PCF11: variants seen among roughly 807,000 people sequenced by gnomAD.
The protein encoded by PCF11 is pre-mRNA cleavage complex 2 protein Pcf11.
PCF11 carries 19 observed loss-of-function variants against 166.1 expected under a neutral mutation model. The observed-to-expected ratio is 0.11, with a 90% CI of 0.08 to 0.17. The LOEUF (loss-of-function observed/expected upper bound fraction) is 0.17, where lower values mean the gene tolerates loss of function less well. PCF11 is among the 10% of genes least tolerant of loss of function. PCF11 has a pLI of 1.00. For missense variants in PCF11, 1,565 were observed against 1,855.5 expected (o/e 0.84, Z 2.88); for synonymous variants, 663 against 644.1 (o/e 1.03, Z -0.44).
chr11:83,166,410 C>A (rs767350219), exon 5 of PCF11: 21 of 1,613,742 alleles, frequency 1.3e-5, no homozygotes, highest in Non-Finnish European at 1.8e-5. Flanking sequence ...GTCACCCAAA[C>A]GAAGGCAAAG....
At chr11:83,182,772 T>G (rs1221256135) in intron 14 of PCF11, among the ~76,000 whole-genome samples, 8 of 152,180 alleles carry the variant, frequency 5.3e-5, no homozygotes, top group African/African-American at 1.9e-4. Context: ...CCCACACTAT[T>G]TTGATTGTGG....
At chr11:83,181,875 A>G (rs1372597208) in exon 13 of PCF11, 2 of 1,610,292 alleles carry the variant, frequency 1.2e-6, no homozygotes, top group South Asian at 1.1e-5. Context: ...ATTTGAGGAG[A>G]TAGCTGATCT....
exon 8 of PCF11, chr11:83,169,049 A>G (rs1254702009): frequency 6.2e-7 from 1 of 1,613,428 alleles, no homozygotes; most frequent in Non-Finnish European, 8.5e-7. Context: ...CTTAGATTTG[A>G]TAATCCCCGA....
chr11:83,186,114 G>A (rs1417791023), exon 16 of PCF11: 4 of 152,104 alleles, frequency 2.6e-5, no homozygotes, highest in Non-Finnish European at 4.4e-5. Flanking sequence ...ATTTGAACGT[G>A]GCTTTGTTTC....
intron 9 of PCF11, 80 bp downstream of exon 9, chr11:83,171,994 A>C: frequency 1.3e-6 from 1 of 750,836 alleles, no homozygotes. Flanking sequence ...GAATTTTAGG[A>C]AATGACAGTT....
At chr11:83,169,287 T>A in exon 8 of PCF11, 1 of 1,611,468 alleles carries the variant, frequency 6.2e-7, no homozygotes, top group Non-Finnish European at 8.5e-7. Context: ...GGTTTGAGGG[T>A]CCACATGGTC....
chr11:83,172,467 G>A (rs1396498037), intron 9 of PCF11, among the ~76,000 whole-genome samples: 3 of 152,072 alleles, frequency 2.0e-5, no homozygotes, highest in Non-Finnish European at 4.4e-5. Context: ...CTCTTACCCA[G>A]TCTGGAGTGC....
intron 15 of PCF11, chr11:83,184,303 TG>T (rs1481550706): frequency 5.7e-6 from 1 of 176,666 alleles, no homozygotes; most frequent in African/African-American, 2.4e-5. Flanking sequence ...TTGAGGGTGA[TG>T]GTTTGTGGGG....
At chr11:83,168,331 A>C (rs1860545992) in intron 7 of PCF11, 97 bp from the exon 8 acceptor site, 1 of 1,160,706 alleles carries the variant, frequency 8.6e-7, no homozygotes, top group African/African-American at 1.6e-5. Flanking sequence ...TGCCCCTCTA[A>C]TGTAGTGAGA....
rs903398419 is a variant in PCF11 at position 83,167,705 on chromosome 11, G to A, written c.2092+200G>A. ...TTGACTACCCTTTGACTGATGCCTT[G>A]TTGTCTGGAATAGAATGTGAGCCAT... On this transcript the variant is annotated intron_variant, in intron 7 of 15. Transcript: ENST00000298281. This position sits in a 1 kb window ranked among gnomAD's most constrained non-coding sequence, Gnocchi z 4.2. 3.3e-6 allele frequency: 5 copies of A among 1,502,200 alleles called. No individual in the cohort carries two copies. The highest frequency in any genetic ancestry group is 4.4e-6 in the Non-Finnish European group (5 of 1,126,240). The allele number at this position is 1,502,200 out of a possible 1,614,324, so 93.1% of individuals were successfully genotyped here. A position where few individuals can be genotyped will look rare whatever the true frequency, so the allele number is the denominator to read the frequency against.
exon 8 of PCF11, chr11:83,168,493 G>A: frequency 6.2e-7 from 1 of 1,613,800 alleles, no homozygotes; most frequent in Non-Finnish European, 8.5e-7. Context: ...TCGATATGAA[G>A]ATTCAGATAA....
chr11:83,174,188 A>G (rs145434178), intron 9 of PCF11, among the ~76,000 whole-genome samples: 8 of 152,284 alleles, frequency 5.3e-5, no homozygotes, highest in East Asian at 1.9e-4. Context: ...AGATGTGTCA[A>G]CAGTTTTCAG....
Position 83,169,265 on chromosome 11 carries a change from G to T in PCF11, c.2930G>T (p.Gly977Val), listed in dbSNP as rs750191407. Reference sequence around the variant, plus strand: ...TTTGAGGGACAACATAATCAACTTGGTGGGAACCTTAGGTTTGAGGGTCCA... The same window carrying T: ...TTTGAGGGACAACATAATCAACTTGTTGGGAACCTTAGGTTTGAGGGTCCA... The change falls in exon 8 of 16, where the codon GGT becomes GTT. Residue 977 changes from glycine to valine, a missense_variant. Around this residue, in one of 12 missense-constraint regions of PCF11, gnomAD observed 725 missense variants for 749.3 expected, o/e 0.97. Coordinates refer to ENST00000298281, the Ensembl canonical transcript of PCF11. The T allele has an allele frequency of 6.2e-7, 1 of 1,612,306 alleles. No individual in the cohort carries two copies. Among genetic ancestry groups the T allele is most frequent in the Non-Finnish European group, 8.5e-7 (1 of 1,178,976 alleles).
exon 5 of PCF11, chr11:83,165,797 C>T (rs199554891): frequency 1.3e-5 from 21 of 1,611,508 alleles, no homozygotes; most frequent in Admixed American, 1.2e-4. Context: ...CTCGTCTGAA[C>T]AGGATAAGCC....
At chr11:83,160,273 G>C in intron 1 of PCF11, among the ~76,000 whole-genome samples, 1 of 150,928 alleles carries the variant, frequency 6.6e-6, no homozygotes, top group East Asian at 1.9e-4. Flanking sequence ...GTGTTACTTA[G>C]GGTTAAGATT....
chr11:83,157,365 G>T (rs747914728), exon 1 of PCF11: 128 of 1,353,162 alleles, frequency 9.5e-5, no homozygotes, highest in Non-Finnish European at 1.3e-4. Context: ...AGGAAGAGGA[G>T]TCGGAAGGGA....
intron 10 of PCF11, 94 bp from the exon 11 acceptor site, chr11:83,177,620 A>G (rs1177556416): frequency 1.9e-6 from 1 of 536,314 alleles, no homozygotes; most frequent in East Asian, 3.2e-5. Flanking sequence ...GACTAGGTGG[A>G]TTTCTCTATT....
exon 5 of PCF11, chr11:83,166,446 A>G: frequency 6.2e-7 from 1 of 1,614,012 alleles, no homozygotes; most frequent in Non-Finnish European, 8.5e-7. Flanking sequence ...ATCGACACCT[A>G]AAGCTGGAAA....
At chr11:83,172,502 A>C (rs1224840269) in intron 9 of PCF11, among the ~76,000 whole-genome samples, 1 of 152,136 alleles carries the variant, frequency 6.6e-6, no homozygotes, top group Non-Finnish European at 1.5e-5. Flanking sequence ...GCCTCACTGC[A>C]GCCTCTGCCT....
Sources: gnomAD v4.1 joint callset for allele counts (sites outside exome capture counted in the v4.1 genomes callset) on GRCh38, gnomAD v4.1.1 for gene constraint, gnomAD v4.1.1 regional missense constraint, Gnocchi (gnomAD v3.1) non-coding constraint, MANE v1.5 for transcripts, NCBI Gene and HGNC (gene_info 2026-07-23, HGNC 2026-07-21) for gene names.